RCAN1: variants seen among roughly 807,000 people sequenced by gnomAD.
The protein encoded by RCAN1 is regulator of calcineurin 1, also known as calcipressin-1.
In RCAN1, 11 loss-of-function variants were observed where a neutral mutation model predicts 22.9. The ratio of observed to expected loss-of-function variants is 0.48; its 90% CI spans 0.30 to 0.79. The LOEUF is 0.79. Ranked by LOEUF, RCAN1 falls within the 30% of genes least tolerant of loss-of-function variation. The probability of loss-of-function intolerance (pLI) is 0.06; values close to 1 mark genes in which losing one functional copy is unlikely to be tolerated. For synonymous variants in RCAN1, 136 were observed against 142.3 expected, an observed-to-expected ratio of 0.96 and a Z score of 0.32; for missense variants, 291 against 337.8, an observed-to-expected ratio of 0.86 and a Z score of 1.09.
At chr21:34,547,841 G>A (rs774873069) in intron 1 of RCAN1, among the ~76,000 whole-genome samples, 21 of 152,106 alleles carry the variant, frequency 1.4e-4, no homozygotes, top group Non-Finnish European at 2.8e-4. Flanking sequence ...TTCCAGAACC[G>A]CAAACCAAAT....
intron 1 of RCAN1, among the ~76,000 whole-genome samples, chr21:34,536,777 TAA>T (rs2123615565): frequency 6.6e-6 from 1 of 152,278 alleles, no homozygotes; most frequent in African/African-American, 2.4e-5. Flanking sequence ...AACTCTTCAA[TAA>T]AGACAGAAAA....
rs551423855 is a variant in RCAN1 at position 34,539,428 on chromosome 21, A to T, written c.253-15718T>A. On this transcript the variant is annotated intron_variant, in intron 1 of 3. Transcript: ENST00000313806. ...TTACAAAGCAATGTTTATTGTTCTC[A>T]TTTTGGTGAAAAGAAAGAATATGTG... is the stretch of plus-strand genomic sequence containing the variant. Among the ~76,000 whole-genome samples, 9 of 152,336 alleles carry T rather than the reference A, an allele frequency of 5.9e-5. No homozygotes were observed. In the South Asian group the frequency reaches 1.7e-3, roughly 28 times the overall value.
chr21:34,569,508 T>C (rs572251959), intron 1 of RCAN1, among the ~76,000 whole-genome samples: 2 of 152,320 alleles, frequency 1.3e-5, no homozygotes, highest in South Asian at 4.1e-4. Context: ...CCACTTATGA[T>C]AGCATCTATG....
At chr21:34,599,904 A>T (rs1204599354) in intron 1 of RCAN1, among the ~76,000 whole-genome samples, 1 of 152,134 alleles carries the variant, frequency 6.6e-6, no homozygotes, top group African/African-American at 2.4e-5. Context: ...GGGCAGCATG[A>T]CCAATAGGTG....
At chr21:34,611,809 G>A (rs1345760319) in intron 1 of RCAN1, among the ~76,000 whole-genome samples, 1 of 152,136 alleles carries the variant, frequency 6.6e-6, no homozygotes, top group African/African-American at 2.4e-5. Context: ...CACCTAGAAG[G>A]ATGGTTTCAG....
intron 1 of RCAN1, among the ~76,000 whole-genome samples, chr21:34,572,348 G>A (rs565782637): frequency 2.6e-5 from 4 of 152,172 alleles, no homozygotes; most frequent in East Asian, 1.9e-4. Context: ...CTGTAGCTCC[G>A]ACACCATGTG....
At chr21:34,591,478 T>C (rs547246312) in intron 1 of RCAN1, among the ~76,000 whole-genome samples, 2 of 152,136 alleles carry the variant, frequency 1.3e-5, no homozygotes, top group African/African-American at 4.8e-5. Context: ...GGGAACACGA[T>C]GTATTCAAAC....
intron 1 of RCAN1, among the ~76,000 whole-genome samples, chr21:34,539,709 C>T (rs1290480772): frequency 1.3e-5 from 2 of 152,204 alleles, no homozygotes; most frequent in Non-Finnish European, 2.9e-5. Context: ...TTTGGTATCA[C>T]GGCTTTTAAT....
chr21:34,528,808 G>C (rs1380311648), intron 1 of RCAN1, among the ~76,000 whole-genome samples: 1 of 152,148 alleles, frequency 6.6e-6, no homozygotes, highest in Non-Finnish European at 1.5e-5. Flanking sequence ...GACACAAGAG[G>C]CTGATTTCAC....
At chr21:34,523,794 T>TTTC in intron 1 of RCAN1, 84 bp from the exon 2 acceptor site, 1 of 1,231,572 alleles carries the variant, frequency 8.1e-7, no homozygotes, top group Non-Finnish European at 1.1e-6. Flanking sequence ...CTTTTTTTTT[T>TTTC]TTCTTCGAGA....
intron 1 of RCAN1, among the ~76,000 whole-genome samples, chr21:34,525,761 G>T (rs1985002469): frequency 6.6e-6 from 1 of 152,114 alleles, no homozygotes; most frequent in African/African-American, 2.4e-5. Context: ...AAAAAATAGT[G>T]ATTTTACTCA....
At chr21:34,548,242 A>G (rs1277240499) in intron 1 of RCAN1, among the ~76,000 whole-genome samples, 1 of 152,050 alleles carries the variant, frequency 6.6e-6, no homozygotes, top group Admixed American at 6.6e-5. Flanking sequence ...GCATTTTACT[A>G]CTCTTTGAGA....
Position 34,571,385 on chromosome 21 carries a change from GA to G in RCAN1, c.252+43374del, listed in dbSNP as rs200752158. ...TCTGACATACTTGCAAAATTATCCTGAAAAAAAGTTACCACTTAAAATCAAT... is the reference window on the plus strand; with the variant it reads ...TCTGACATACTTGCAAAATTATCCTGAAAAAAGTTACCACTTAAAATCAAT... On this transcript the variant is annotated intron_variant, in intron 1 of 3. Transcript: ENST00000313806. Among the ~76,000 whole-genome samples the G allele has an allele frequency of 1.1e-4, 16 of 152,060 alleles. 1 individual carries two copies. Among genetic ancestry groups the G allele is most frequent in the African/African-American group, 3.9e-4 (16 of 41,490 alleles).
Position 34,521,615 on chromosome 21 carries a change from T to C in RCAN1, c.470A>G (p.Asp157Gly), listed in dbSNP as rs964645244. ...GSSHLAPPNP[D>G]KQFLISPPAS... ...GGGAGGGGAGATCAGAAACTGCTTG[T>C]CTGGATTTGGCGGAGCCAGGTGTGA... The change falls in exon 3 of 4, where the codon GAC becomes GGC. Residue 157 changes from aspartate (D) to glycine (G), a missense_variant. Asp to Gly is a moderately conservative substitution (Grantham distance 94). Transcript: ENST00000313806. 6.2e-7 allele frequency: 1 copy of C among 1,613,988 alleles called. No individual in the cohort carries two copies. The highest frequency in any genetic ancestry group is 8.5e-7 in the Non-Finnish European group (1 of 1,179,918).
rs73352093 is a variant in RCAN1, at chr21:34,579,014, G to A, written c.252+35746C>T. ...ACAAAAACAAGCCAACAAAAAAAAGGACTTGCATCCAGTGATTCTCAAATG... is the reference window on the plus strand; with the variant it reads ...ACAAAAACAAGCCAACAAAAAAAAGAACTTGCATCCAGTGATTCTCAAATG... On this transcript the variant is annotated intron_variant, in intron 1 of 3. Coordinates refer to ENST00000313806, the MANE Select transcript of RCAN1 (RefSeq NM_004414.7). 2.8e-3 allele frequency among the ~76,000 whole-genome samples: 429 copies of A among 152,264 alleles called. 2 individuals are homozygous for A. Among genetic ancestry groups the A allele is most frequent in the African/African-American group, 9.8e-3 (405 of 41,534 alleles).
intron 1 of RCAN1, among the ~76,000 whole-genome samples, chr21:34,600,309 C>T (rs1019076708): frequency 6.6e-6 from 1 of 152,210 alleles, no homozygotes. Context: ...GAGATAGGAA[C>T]CATCACAAGT....
rs142775739 is a variant in RCAN1 at position 34,576,670 on chromosome 21, T to C, written c.252+38090A>G. Among the ~76,000 whole-genome samples, 97 of 152,316 alleles carry C rather than the reference T, an allele frequency of 6.4e-4. 2 individuals carry two copies. Among genetic ancestry groups the C allele is most frequent in the Non-Finnish European group, 1.1e-3 (78 of 68,030 alleles). On this transcript the variant is annotated intron_variant, in intron 1 of 3. Coordinates refer to ENST00000313806, the MANE Select transcript of RCAN1 (RefSeq NM_004414.7). ...GGAGAAGTCTGAACATTTTGGTCAA[T>C]GTCTGTGAATGTTTCAAAGTTTAAA...
At chr21:34,538,520 A>C (rs568181670) in intron 1 of RCAN1, among the ~76,000 whole-genome samples, 2 of 152,276 alleles carry the variant, frequency 1.3e-5, no homozygotes, top group Admixed American at 1.3e-4. Context: ...CGCCATGGGT[A>C]CTGGCCGCTT....
intron 1 of RCAN1, among the ~76,000 whole-genome samples, chr21:34,582,231 A>C (rs1987636811): frequency 6.6e-6 from 1 of 152,180 alleles, no homozygotes; most frequent in African/African-American, 2.4e-5. Context: ...CCAAGCTCCT[A>C]AGGTACTGGG....
Sources: allele counts gnomAD v4.1 joint callset (sites outside exome capture counted in the v4.1 genomes callset), GRCh38; gene constraint gnomAD v4.1.1; transcripts MANE v1.5; gene names NCBI Gene and HGNC (gene_info 2026-07-23, HGNC 2026-07-21).